The following SKOR1 variants were observed in gnomAD, a reference collection of about 807,000 sequenced individuals.
SKOR1 encodes the protein LBX1 corepressor 1.
Under a neutral mutation model 72.4 loss-of-function variants are expected in SKOR1, and 38 were observed. That is an observed-to-expected ratio of 0.52 (90% CI 0.40 to 0.69). SKOR1 has a LOEUF of 0.69. Among genes scored for constraint, SKOR1 ranks in the 30% least tolerant of loss-of-function variants. The probability of loss-of-function intolerance (pLI) is 0.00; values close to 1 mark genes in which losing one functional copy is unlikely to be tolerated. For synonymous variants in SKOR1, 642 were observed against 599.4 expected (o/e 1.07, Z -1.04); for missense variants, 1,320 against 1,343.2 (o/e 0.98, Z 0.27).
Position 67,825,773 on chromosome 15 carries a change from T to C in SKOR1, c.107+64T>C. The C allele has an allele frequency of 7.6e-7, 1 of 1,322,604 alleles. No homozygotes were observed. Among genetic ancestry groups the C allele is most frequent in the Non-Finnish European group, 1.1e-6 (1 of 935,354 alleles). 81.9% of individuals were successfully genotyped at this position (1,322,604 alleles called of 1,614,324 possible). On this transcript the variant is annotated intron_variant, in intron 1 of 8. Transcript: ENST00000380035. The surrounding 1 kb of genome is among the most constrained non-coding windows in gnomAD (Gnocchi z 5.6). Reference sequence around the variant, plus strand: ...CTGTTGTTAACGGCGCCAACATGGGTCTGAGTAACAAAAGACGCCTGTCCA... The same window carrying C: ...CTGTTGTTAACGGCGCCAACATGGGCCTGAGTAACAAAAGACGCCTGTCCA...
At position 67,827,898 on chromosome 15, in the gene SKOR1, C is replaced by T; in HGVS notation, c.2070C>T (p.Asp690=). 1.3e-6 allele frequency: 2 copies of T among 1,599,494 alleles called. No homozygotes were observed. The highest frequency in any genetic ancestry group is 1.7e-6 in the Non-Finnish European group (2 of 1,174,202). ...PSAPSAGGGP[D]GEQPTGPPSA... ...CACCCAGCGCAGGGGGCGGCCCAGACGGTGAACAGCCCACTGGACCCCCTT... is the reference window on the plus strand; with the variant it reads ...CACCCAGCGCAGGGGGCGGCCCAGATGGTGAACAGCCCACTGGACCCCCTT... Residue 690 remains aspartate (D), a synonymous_variant, in exon 2 of 9, where the codon GAC becomes GAT. Coordinates refer to ENST00000380035, the MANE Select transcript of SKOR1 (RefSeq NM_001365915.1).
Position 67,833,665 on chromosome 15 carries a change from G to A in SKOR1, c.2804-77G>A, listed in dbSNP as rs2091025843. On this transcript the variant is annotated intron_variant, in intron 8 of 8. Coordinates refer to ENST00000380035, the MANE Select transcript of SKOR1 (RefSeq NM_001365915.1). This position sits in a 1 kb window ranked among gnomAD's most constrained non-coding sequence, Gnocchi z 6.0. Reference sequence around the variant, plus strand: ...GACCCCAAAGGGTTGGTAAGGCCGGGGAGGGGAAAGGGTGGACTGCGCGGT... The same window carrying A: ...GACCCCAAAGGGTTGGTAAGGCCGGAGAGGGGAAAGGGTGGACTGCGCGGT... 9.6e-6 allele frequency: 14 copies of A among 1,452,780 alleles called. 1 individual carries two copies. In the South Asian group the frequency reaches 1.6e-4, roughly 17 times the overall value. 90.0% of individuals were successfully genotyped at this position (1,452,780 alleles called of 1,614,324 possible).
chr15:67,826,533 G>A lies in SKOR1; in HGVS notation c.705G>A (p.Thr235=). ...HSHRTPDAKY[T]QPDAANFNSW... ...ACCGAACACCCGACGCCAAGTACAC[G>A]CAGCCCGATGCCGCCAACTTCAACT... Residue 235 remains threonine, a synonymous_variant, in exon 2 of 9, where the codon ACG becomes ACA. Coordinates refer to ENST00000380035, the MANE Select transcript of SKOR1 (RefSeq NM_001365915.1). The A allele has an allele frequency of 6.2e-7, 1 of 1,613,758 alleles. No homozygotes were observed. The highest frequency in any genetic ancestry group is 8.5e-7 in the Non-Finnish European group (1 of 1,179,710).
chr15:67,830,213 C>G lies in SKOR1; in HGVS notation c.2430C>G (p.His810Gln). 1.2e-6 allele frequency: 2 copies of G among 1,614,174 alleles called. No homozygotes were observed. Among genetic ancestry groups the G allele is most frequent in the Non-Finnish European group, 1.7e-6 (2 of 1,180,026 alleles). The change falls in exon 4 of 9, where the codon CAC becomes CAG. Residue 810 changes from histidine to glutamine, a missense_variant. His to Gln is a conservative substitution (Grantham distance 24, BLOSUM62 0). Transcript: ENST00000380035. ...AAGAGCCAGATAAGGAAGACAATCA[C>G]TCGCCCGCCGATGATTTGGAAACGA... ...EAHEPDKEDN[H>Q]SPADDLETRK...
rs138605791 is a variant in SKOR1 at position 67,830,294 on chromosome 15, C to T, written c.2511C>T (p.Asp837=). 1.3e-4 allele frequency: 216 copies of T among 1,614,012 alleles called. No individual in the cohort carries two copies. The African/African-American group carries it at 2.7e-3, about 21-fold the overall frequency. Residue 837 remains aspartate, a synonymous_variant, in exon 4 of 9, where the codon GAC becomes GAT. Coordinates refer to ENST00000380035, the MANE Select transcript of SKOR1 (RefSeq NM_001365915.1). ...SISQPSPANT[D]RGEDGLTLDV... The stretch of plus-strand genomic sequence containing the variant: ...CCCAGCCAAGTCCTGCAAATACAGA[C>T]AGAGGTGAGCCAGCCCTTGAACCCA...
At chr15:67,830,102 G>A in intron 3 of SKOR1, 89 bp from the exon 4 acceptor site, 1 of 1,352,174 alleles carries the variant, frequency 7.4e-7, no homozygotes, top group Admixed American at 1.8e-5. Context: ...CTTTTAATTA[G>A]GGCTGGGGCG....
chr15:67,833,839 C>T lies in SKOR1; in HGVS notation c.*3C>T. ...TCAAGCCACCGCTGTTGCCCTAGGG[C>T]CGGCCTGGCCGCACCCCTGCGCCCT... On this transcript the variant is annotated 3_prime_UTR_variant, in exon 9 of 9. Coordinates refer to ENST00000380035, the MANE Select transcript of SKOR1 (RefSeq NM_001365915.1). The surrounding 1 kb of genome is among the most constrained non-coding windows in gnomAD (Gnocchi z 6.0). 1.2e-6 allele frequency: 2 copies of T among 1,607,998 alleles called. No individual in the cohort carries two copies. Among genetic ancestry groups the T allele is most frequent in the Non-Finnish European group, 1.7e-6 (2 of 1,179,826 alleles).
In SKOR1 at chr15:67,826,904, G is replaced by A; in HGVS notation, c.1076G>A (p.Gly359Asp). The change falls in exon 2 of 9, where the codon GGC becomes GAC. Residue 359 changes from glycine to aspartate, a missense_variant. This residue lies in a region of SKOR1 where 1,099 missense variants were observed against 1,025.5 expected (regional missense o/e 1.07). Coordinates refer to ENST00000380035, the MANE Select transcript of SKOR1 (RefSeq NM_001365915.1). ...GCGACTGGAGCTAGTGGCCCGGCGG[G>A]CCCAGGAGGGCCCGGTGGCGGCGCC... ...GLATGASGPA[G>D]PGGPGGGAGV... 5 of 1,552,476 alleles carry A rather than the reference G, an allele frequency of 3.2e-6. No homozygotes were observed. The highest frequency in any genetic ancestry group is 1.4e-5 in the African/African-American group (1 of 73,194).
chr15:67,830,310 C>G lies in SKOR1; in HGVS notation c.2515+12C>G, dbSNP rs752823514. 8.7e-6 allele frequency: 14 copies of G among 1,611,478 alleles called. No homozygotes were observed. The highest frequency in any genetic ancestry group is 1.1e-5 in the Non-Finnish European group (13 of 1,177,640). The stretch of plus-strand genomic sequence containing the variant: ...AAATACAGACAGAGGTGAGCCAGCC[C>G]TTGAACCCATCGCTCTCCACCGCAC... On this transcript the variant is annotated intron_variant, in intron 4 of 8. Coordinates refer to ENST00000380035, the MANE Select transcript of SKOR1 (RefSeq NM_001365915.1).
Position 67,827,719 on chromosome 15 carries a change from G to A in SKOR1, c.1891G>A (p.Gly631Ser), listed in dbSNP as rs747459363. Residue 631 changes from glycine to serine, a missense_variant, in exon 2 of 9, where the codon GGC (glycine) becomes AGC (serine). This residue lies in a region of SKOR1 where 1,099 missense variants were observed against 1,025.5 expected (regional missense o/e 1.07). Coordinates refer to ENST00000380035, the MANE Select transcript of SKOR1 (RefSeq NM_001365915.1). ...ARGPGPGAGS[G>S]GYVSPDFLSE... ...GGGGCCGGGACCCGGCGCTGGGAGCGGCGGCTACGTGAGCCCGGACTTTCT... is the reference window on the plus strand; with the variant it reads ...GGGGCCGGGACCCGGCGCTGGGAGCAGCGGCTACGTGAGCCCGGACTTTCT... 2 of 1,543,240 alleles carry A rather than the reference G, an allele frequency of 1.3e-6. No individual in the cohort carries two copies. Among genetic ancestry groups the A allele is most frequent in the East Asian group, 2.5e-5 (1 of 40,782 alleles).
At chr15:67,830,362 G>T in intron 4 of SKOR1, 64 bp downstream of exon 4, 1 of 1,388,498 alleles carries the variant, frequency 7.2e-7, no homozygotes, top group African/African-American at 1.4e-5. Context: ...AGGTCGCCCA[G>T]GTTCCCAGAG....
At chr15:67,830,645 C>G (rs765192446) in intron 4 of SKOR1, among the ~76,000 whole-genome samples, 173 bp from the exon 5 acceptor site, 1 of 152,188 alleles carries the variant, frequency 6.6e-6, no homozygotes, top group Non-Finnish European at 1.5e-5. Flanking sequence ...CTCTCCTACT[C>G]TCTACTGTAA....
chr15:67,829,833 C>T (rs903699113), intron 3 of SKOR1, among the ~76,000 whole-genome samples: 1 of 152,254 alleles, frequency 6.6e-6, no homozygotes, highest in African/African-American at 2.4e-5. Context: ...AAGGTCGCAG[C>T]CTGGGCCGCG....
At position 67,827,361 on chromosome 15, in the gene SKOR1, GGCCGTGGCGGCA is replaced by G. The variant is rs760140826; in HGVS notation, c.1545_1556del (p.Val517_Ala520del). 43 of 1,574,376 alleles carry G rather than the reference GGCCGTGGCGGCA, an allele frequency of 2.7e-5. No individual in the cohort carries two copies. The highest frequency in any genetic ancestry group is 3.3e-4 in the Middle Eastern group (2 of 5,996). ...ACCCCGCTGCTCAGAGCCAAGCCAA[GGCCGTGGCGGCA>G]GCCGTGGCGGCGGCAGCGGCGGCGG... On this transcript the variant is annotated inframe_deletion, in exon 2 of 9. Transcript: ENST00000380035.
At position 67,833,005 on chromosome 15, in the gene SKOR1, G is replaced by A. The variant is rs2091020261; in HGVS notation, c.2738-187G>A. On this transcript the variant is annotated intron_variant, in intron 7 of 8. Transcript: ENST00000380035. This position sits in a 1 kb window ranked among gnomAD's most constrained non-coding sequence, Gnocchi z 6.0. The stretch of plus-strand genomic sequence containing the variant: ...TTTGGTTAGATCCATCTGCCTTTAA[G>A]CGCCATCCCAGGCCATTTCCTTCCT... The A allele has an allele frequency of 4.7e-6, 3 of 637,624 alleles. No homozygotes were observed. Among genetic ancestry groups the A allele is most frequent in the Non-Finnish European group, 8.2e-6 (3 of 367,590 alleles). The allele number at this position is 637,624 out of a possible 1,614,324, so 39.5% of individuals were successfully genotyped here. A position where few individuals can be genotyped will look rare whatever the true frequency, so the allele number is the denominator to read the frequency against.
intron 3 of SKOR1, 37 bp from the exon 4 acceptor site, chr15:67,830,154 C>A: frequency 1.9e-6 from 3 of 1,607,984 alleles, no homozygotes; most frequent in South Asian, 2.2e-5. Context: ...GTCACGGTTT[C>A]TTTGCCTCTC....
intron 2 of SKOR1, among the ~76,000 whole-genome samples, 166 bp from the exon 3 acceptor site, chr15:67,829,013 G>A (rs946761460): frequency 6.6e-6 from 1 of 152,082 alleles, no homozygotes; most frequent in African/African-American, 2.4e-5. Flanking sequence ...AATCTACAAG[G>A]GGGCAAGGGT....
rs1366691987 is a variant in SKOR1, at chr15:67,833,983, C to G, written c.*147C>G. On this transcript the variant is annotated 3_prime_UTR_variant, in exon 9 of 9. Coordinates refer to ENST00000380035, the MANE Select transcript of SKOR1 (RefSeq NM_001365915.1). This position sits in a 1 kb window ranked among gnomAD's most constrained non-coding sequence, Gnocchi z 6.0. ...CGTCCGCCCGCCTTCCTCCCGGGCT[C>G]CCCGGCCTTGCCCGCCCCCTCCCGG... 2.2e-6 allele frequency: 2 copies of G among 913,448 alleles called. No homozygotes were observed. Among genetic ancestry groups the G allele is most frequent in the East Asian group, 5.3e-5 (2 of 37,962 alleles). 56.6% of individuals were successfully genotyped at this position (913,448 alleles called of 1,614,324 possible).
intron 3 of SKOR1, among the ~76,000 whole-genome samples, chr15:67,829,684 AG>A (rs886200087): frequency 5.3e-5 from 8 of 152,166 alleles, no homozygotes; most frequent in Non-Finnish European, 1.0e-4. Context: ...AGGGTAGCTG[AG>A]GCCCATCGCG....
Sources: allele counts gnomAD v4.1 joint callset (sites outside exome capture counted in the v4.1 genomes callset), GRCh38; gene constraint gnomAD v4.1.1; regional missense constraint gnomAD v4.1.1; non-coding constraint Gnocchi (gnomAD v3.1); transcripts MANE v1.5; gene names NCBI Gene and HGNC (gene_info 2026-07-23, HGNC 2026-07-21).